TRPS1: variants seen among roughly 807,000 people sequenced by gnomAD.
TRPS1 encodes zinc finger transcription factor Trps1.
Under a neutral mutation model 101.2 loss-of-function variants are expected in TRPS1, and 6 were observed. The observed-to-expected ratio is 0.06, with a 90% CI of 0.03 to 0.12. The LOEUF (loss-of-function observed/expected upper bound fraction) is 0.12. Among genes scored for constraint, TRPS1 ranks in the 10% least tolerant of loss-of-function variants. The pLI, the probability that TRPS1 is intolerant of heterozygous loss-of-function variation, is 1.00. For missense variants in TRPS1, 1,363 were observed against 1,567.0 expected (o/e 0.87, Z 2.20); for synonymous variants, 578 against 589.8 (o/e 0.98, Z 0.29).
intron 5 of TRPS1, among the ~76,000 whole-genome samples, chr8:115,472,437 A>AT (rs1814495956): frequency 6.6e-6 from 1 of 151,936 alleles, no homozygotes; most frequent in African/African-American, 2.4e-5. Context: ...CCAGGAAACC[A>AT]TTTTTTCTTC....
intron 5 of TRPS1, among the ~76,000 whole-genome samples, chr8:115,433,644 G>A (rs1554619537): frequency 6.6e-6 from 1 of 152,036 alleles, no homozygotes; most frequent in Non-Finnish European, 1.5e-5. Flanking sequence ...GCTCCACAAG[G>A]CTTCTTGACT....
At chr8:115,536,722 A>T (rs977855168) in intron 5 of TRPS1, among the ~76,000 whole-genome samples, 5 of 151,708 alleles carry the variant, frequency 3.3e-5, no homozygotes, top group Non-Finnish European at 4.4e-5. Context: ...TACTTTACTC[A>T]ATTAGGCCCT....
intron 3 of TRPS1, among the ~76,000 whole-genome samples, chr8:115,613,506 A>G (rs1818215192): frequency 6.6e-6 from 1 of 152,070 alleles, no homozygotes; most frequent in African/African-American, 2.4e-5. Flanking sequence ...TTGGCAGTAA[A>G]CTCAGACTCA....
intron 2 of TRPS1, among the ~76,000 whole-genome samples, chr8:115,620,736 T>G (rs1818375701): frequency 6.6e-6 from 1 of 152,204 alleles, no homozygotes; most frequent in Non-Finnish European, 1.5e-5. Context: ...CAAATTTCTT[T>G]GAGCCACATT....
chr8:115,666,414 G>GAA (rs551357070), intron 1 of TRPS1, among the ~76,000 whole-genome samples: 3 of 140,232 alleles, frequency 2.1e-5, no homozygotes, highest in East Asian at 4.2e-4. Flanking sequence ...CTTGGGGAAA[G>GAA]AAAAAAAAAA....
chr8:115,539,804 G>A (rs1388954571), intron 5 of TRPS1, among the ~76,000 whole-genome samples: 2 of 152,230 alleles, frequency 1.3e-5, no homozygotes, highest in Non-Finnish European at 2.9e-5. Context: ...GTTGCAATGA[G>A]CTGAGATCCT....
chr8:115,481,369 T>C (rs976190646), intron 5 of TRPS1, among the ~76,000 whole-genome samples: 5 of 152,078 alleles, frequency 3.3e-5, no homozygotes, highest in Admixed American at 6.6e-5. Context: ...ACTTGGCTTA[T>C]AGATCCCTCA....
At chr8:115,535,421 T>C (rs576016557) in intron 5 of TRPS1, among the ~76,000 whole-genome samples, 1 of 134,364 alleles carries the variant, frequency 7.4e-6, no homozygotes, top group South Asian at 2.1e-4. Context: ...ATATAGTGCA[T>C]ATATATAGTG....
intron 1 of TRPS1, among the ~76,000 whole-genome samples, chr8:115,643,588 T>A (rs949293196): frequency 6.6e-6 from 1 of 152,224 alleles, no homozygotes; most frequent in Non-Finnish European, 1.5e-5. Context: ...TCTCTTGCTA[T>A]TTCTACCACA....
At chr8:115,531,942 G>T (rs1003307044) in intron 5 of TRPS1, among the ~76,000 whole-genome samples, 8 of 152,056 alleles carry the variant, frequency 5.3e-5, no homozygotes, top group Admixed American at 1.3e-4. Flanking sequence ...ACAGATCGGG[G>T]TTTCTGAGTT....
Position 115,619,834 on chromosome 8 carries a change from C to A in TRPS1, c.264G>T (p.Leu88Phe), listed in dbSNP as rs764529424. The A allele has an allele frequency of 3.7e-6, 6 of 1,614,206 alleles. No individual in the cohort carries two copies. In the Admixed American group the frequency reaches 5.0e-5, roughly 13 times the overall value. ...CCTTCTCACTCAGAACTGCGCTTTT[C>A]AAGTCCTTCTTACTGCTAGAAGATG... ...QDPSSSSKKD[L>F]KSAVLSEKAG... The change falls in exon 3 of 7, where the codon TTG (leucine) becomes TTT (phenylalanine). Residue 88 changes from leucine (L) to phenylalanine (F), a missense_variant. Around this residue, in one of 5 missense-constraint regions of TRPS1, gnomAD observed 1,020 missense variants for 1,073.0 expected, o/e 0.95. Coordinates refer to ENST00000395715, the MANE Select transcript of TRPS1 (RefSeq NM_014112.5).
At chr8:115,543,961 A>T (rs909743401) in intron 5 of TRPS1, among the ~76,000 whole-genome samples, 3 of 152,144 alleles carry the variant, frequency 2.0e-5, no homozygotes, top group Non-Finnish European at 2.9e-5. Flanking sequence ...TATCCTAAAC[A>T]TTAAGACATG....
intron 5 of TRPS1, among the ~76,000 whole-genome samples, chr8:115,492,887 T>C (rs915639832): frequency 3.3e-5 from 5 of 151,868 alleles, no homozygotes; most frequent in African/African-American, 1.2e-4. Flanking sequence ...CTAATTTTTG[T>C]ATTTTATTGT....
Position 115,414,213 on chromosome 8 carries a change from T to G in TRPS1, c.3695A>C (p.His1232Pro). The change falls in exon 7 of 7, where the codon CAC becomes CCC. Residue 1232 changes from histidine to proline, a missense_variant. Transcript: ENST00000395715. This position sits in a 1 kb window ranked among gnomAD's most constrained non-coding sequence, Gnocchi z 4.8. Reference sequence around the variant, plus strand: ...TTCATCCAGAAAGACAATGCCACAGTGCACACATTTTGTTGAAAGTTCATC... The same window carrying G: ...TTCATCCAGAAAGACAATGCCACAGGGCACACATTTTGTTGAAAGTTCATC... ...TQDELSTKCV[H>P]CGIVFLDEVM... 1 of 1,614,060 alleles carries G rather than the reference T, an allele frequency of 6.2e-7. No homozygotes were observed. The highest frequency in any genetic ancestry group is 1.1e-5 in the South Asian group (1 of 91,080).
intron 1 of TRPS1, among the ~76,000 whole-genome samples, chr8:115,644,521 C>T (rs1248789134): frequency 1.3e-5 from 2 of 152,202 alleles, no homozygotes; most frequent in Non-Finnish European, 2.9e-5. Flanking sequence ...TCGTGGCTGG[C>T]TTGATCTTCT....
chr8:115,632,560 A>G (rs2130565135), intron 1 of TRPS1, among the ~76,000 whole-genome samples: 1 of 152,230 alleles, frequency 6.6e-6, no homozygotes, highest in Non-Finnish European at 1.5e-5. Flanking sequence ...AACAAGCTAA[A>G]TCTGTATCAG....
At chr8:115,468,553 T>A (rs1244457365) in intron 5 of TRPS1, among the ~76,000 whole-genome samples, 4 of 152,178 alleles carry the variant, frequency 2.6e-5, no homozygotes, top group Non-Finnish European at 5.9e-5. Context: ...AGGTTACAGA[T>A]ACTCTCCAAT....
chr8:115,439,707 T>G (rs913660876), intron 5 of TRPS1, among the ~76,000 whole-genome samples: 3 of 152,180 alleles, frequency 2.0e-5, no homozygotes, highest in Non-Finnish European at 2.9e-5. Context: ...CGTTTGTCCC[T>G]TCTGCTGAAT....
At chr8:115,572,111 C>T (rs1285460187) in intron 5 of TRPS1, among the ~76,000 whole-genome samples, 1 of 152,136 alleles carries the variant, frequency 6.6e-6, no homozygotes, top group East Asian at 1.9e-4. Flanking sequence ...CAATAAGATA[C>T]TTAAAGCATG....
Sources: gnomAD v4.1 joint callset for allele counts (sites outside exome capture counted in the v4.1 genomes callset) on GRCh38, gnomAD v4.1.1 for gene constraint, gnomAD v4.1.1 regional missense constraint, Gnocchi (gnomAD v3.1) non-coding constraint, MANE v1.5 for transcripts, NCBI Gene and HGNC (gene_info 2026-07-23, HGNC 2026-07-21) for gene names.